The following TYW1 variants were observed in gnomAD, a reference collection of about 807,000 sequenced individuals.
TYW1 encodes the protein tRNA-yW synthesizing protein 1 homolog.
A neutral mutation model predicts 96.2 loss-of-function variants in TYW1; 46 were observed. That is an observed-to-expected ratio of 0.48 (90% CI 0.38 to 0.61). The LOEUF (loss-of-function observed/expected upper bound fraction) is 0.61. Among genes scored for constraint, TYW1 ranks in the 20% least tolerant of loss-of-function variants. The pLI is 0.00. For missense variants in TYW1, 684 were observed against 909.6 expected, an observed-to-expected ratio of 0.75 and a Z score of 3.19; for synonymous variants, 274 against 323.0, an observed-to-expected ratio of 0.85 and a Z score of 1.63.
chr7:67,144,167 G>T (rs1798531988), intron 13 of TYW1, among the ~76,000 whole-genome samples: 1 of 152,178 alleles, frequency 6.6e-6, no homozygotes, highest in Non-Finnish European at 1.5e-5. Context: ...TGTCATGGGA[G>T]GGTGACTTAA....
intron 4 of TYW1, among the ~76,000 whole-genome samples, chr7:67,009,957 T>C (rs1485089250): frequency 2.0e-5 from 3 of 151,836 alleles, no homozygotes; most frequent in Non-Finnish European, 2.9e-5. Context: ...GGAAGTTCAC[T>C]CCTTCCCACA....
intron 15 of TYW1, among the ~76,000 whole-genome samples, chr7:67,219,287 G>T (rs1254875075): frequency 3.3e-5 from 5 of 152,090 alleles, no homozygotes; most frequent in African/African-American, 9.6e-5. Flanking sequence ...GCTGAATTTG[G>T]CTTGCTGGTG....
chr7:67,128,642 G>A (rs950236030), intron 13 of TYW1, among the ~76,000 whole-genome samples: 1 of 151,620 alleles, frequency 6.6e-6, no homozygotes, highest in Non-Finnish European at 1.5e-5. Flanking sequence ...TGATGGTATG[G>A]TGTATGGGGA....
intron 11 of TYW1, among the ~76,000 whole-genome samples, chr7:67,096,353 A>C (rs564969428): frequency 5.3e-5 from 8 of 152,208 alleles, no homozygotes; most frequent in African/African-American, 1.7e-4. Context: ...TGCCACTGCA[A>C]TCCAGCCTGG....
At chr7:67,073,789 AAAAAG>A (rs1288234151) in intron 10 of TYW1, among the ~76,000 whole-genome samples, 2 of 148,444 alleles carry the variant, frequency 1.3e-5, no homozygotes, top group African/African-American at 4.9e-5. Context: ...AAAAAAAAAA[AAAAAG>A]AAATATGGCC....
At chr7:67,014,178 G>A (rs1050475360) in intron 4 of TYW1, among the ~76,000 whole-genome samples, 189 bp from the exon 5 acceptor site, 3 of 152,196 alleles carry the variant, frequency 2.0e-5, no homozygotes, top group Non-Finnish European at 2.9e-5. Flanking sequence ...GCAAGGGACT[G>A]GGTTTTCTCC....
intron 13 of TYW1, among the ~76,000 whole-genome samples, chr7:67,171,516 TGTTA>T (rs888031697): frequency 2.0e-5 from 3 of 152,156 alleles, no homozygotes; most frequent in African/African-American, 7.2e-5. Context: ...TGTCTTTAAT[TGTTA>T]GTTACTGAGA....
intron 9 of TYW1, among the ~76,000 whole-genome samples, chr7:67,061,152 C>G (rs1015707927): frequency 6.6e-6 from 1 of 152,094 alleles, no homozygotes; most frequent in Non-Finnish European, 1.5e-5. Context: ...CATTTGAACC[C>G]GGGAGGTGGA....
At chr7:67,046,350 A>G (rs1795187130) in intron 7 of TYW1, among the ~76,000 whole-genome samples, 1 of 152,126 alleles carries the variant, frequency 6.6e-6, no homozygotes, top group East Asian at 1.9e-4. Context: ...TCTGTGCTCG[A>G]GTTACCTGAC....
intron 10 of TYW1, among the ~76,000 whole-genome samples, chr7:67,074,467 CAG>C (rs1796141515): frequency 6.6e-6 from 1 of 152,136 alleles, no homozygotes; most frequent in African/African-American, 2.4e-5. Context: ...TACATTTACC[CAG>C]AGTTTTGGAA....
At chr7:67,009,113 G>A (rs552717824) in intron 3 of TYW1, among the ~76,000 whole-genome samples, 3 of 152,206 alleles carry the variant, frequency 2.0e-5, no homozygotes, top group Admixed American at 6.6e-5. Flanking sequence ...GGGCTCGGGG[G>A]ATCTTCCCGT....
chr7:67,004,865 C>T (rs576435252), intron 3 of TYW1, among the ~76,000 whole-genome samples: 2 of 152,168 alleles, frequency 1.3e-5, no homozygotes, highest in Non-Finnish European at 2.9e-5. Flanking sequence ...AAGTGATTCT[C>T]CTGCCTCAGC....
At chr7:67,167,887 T>C (rs1477906068) in intron 13 of TYW1, among the ~76,000 whole-genome samples, 2 of 151,986 alleles carry the variant, frequency 1.3e-5, no homozygotes, top group East Asian at 3.9e-4. Context: ...CCCAAGTAGC[T>C]GGGATTATAG....
chr7:67,132,341 G>T (rs1398658904), intron 13 of TYW1, among the ~76,000 whole-genome samples: 2 of 151,726 alleles, frequency 1.3e-5, no homozygotes, highest in Non-Finnish European at 2.9e-5. Flanking sequence ...AACTCCTGGC[G>T]TCAAGTGATC....
At chr7:67,047,809 T>TTTTTTA (rs869086599) in intron 7 of TYW1, among the ~76,000 whole-genome samples, 3 of 133,520 alleles carry the variant, frequency 2.2e-5, no homozygotes, top group Non-Finnish European at 3.2e-5. Flanking sequence ...TTTTTTTTTT[T>TTTTTTA]GAGGCAGAGT....
chr7:67,005,932 G>C (rs1278920876), intron 3 of TYW1, among the ~76,000 whole-genome samples: 1 of 151,974 alleles, frequency 6.6e-6, no homozygotes, highest in South Asian at 2.1e-4. Flanking sequence ...GCAGTTCACT[G>C]TTCCTGCCGC....
chr7:67,118,146 C>G (rs1181102589), intron 13 of TYW1, among the ~76,000 whole-genome samples: 1 of 151,564 alleles, frequency 6.6e-6, no homozygotes, highest in Non-Finnish European at 1.5e-5. Flanking sequence ...CCAACATGGT[C>G]AGACCTCATC....
intron 3 of TYW1, among the ~76,000 whole-genome samples, chr7:67,008,615 G>A (rs1264670695): frequency 2.0e-5 from 3 of 152,000 alleles, no homozygotes; most frequent in Non-Finnish European, 4.4e-5. Context: ...TCTGTCAACC[G>A]GCTTCTTTTC....
chr7:67,092,117 C>T (rs1295933190), intron 11 of TYW1, among the ~76,000 whole-genome samples: 1 of 152,132 alleles, frequency 6.6e-6, no homozygotes, highest in Non-Finnish European at 1.5e-5. Flanking sequence ...TTGCTGGAGC[C>T]AAACACTTTG....
Sources: gnomAD v4.1 joint callset for allele counts (sites outside exome capture counted in the v4.1 genomes callset) on GRCh38, gnomAD v4.1.1 for gene constraint, MANE v1.5 for transcripts, NCBI Gene and HGNC (gene_info 2026-07-23, HGNC 2026-07-21) for gene names.